Variants in RUSC2 observed in about 807,000 individuals in gnomAD.
RUSC2 encodes AP-4 complex accessory subunit RUSC2.
RUSC2 carries 34 observed loss-of-function variants against 122.2 expected under a neutral mutation model. The ratio of observed to expected loss-of-function variants is 0.28; its 90% CI spans 0.21 to 0.37. RUSC2 has a LOEUF of 0.37. Among genes scored for constraint, RUSC2 ranks in the 10% least tolerant of loss-of-function variants. RUSC2 has a pLI of 1.00. For missense variants in RUSC2, 1,747 were observed against 1,952.4 expected (o/e 0.89, Z 1.98); for synonymous variants, 784 against 790.0 (o/e 0.99, Z 0.13).
chr9:35,556,433 C>G lies in RUSC2; in HGVS notation c.2968C>G (p.Leu990Val), dbSNP rs1383771983. The change falls in exon 5 of 12, where the codon CTG (leucine) becomes GTG (valine). Residue 990 changes from leucine to valine, a missense_variant. Transcript: ENST00000361226. ...CAGCTCAGAGGCCATTTCCATTGAC[C>G]TGCTTCAGAAAAAAGGTGCATACAA... is the stretch of plus-strand genomic sequence containing the variant. ...DGSSEAISID[L>V]LQKKGLVKAV... 7 of 1,613,748 alleles carry G rather than the reference C, an allele frequency of 4.3e-6. No individual in the cohort carries two copies.
intron 1 of RUSC2, among the ~76,000 whole-genome samples, chr9:35,525,617 G>A (rs576914074): frequency 1.8e-3 from 273 of 152,126 alleles, no homozygotes; most frequent in Middle Eastern, 3.4e-3. Flanking sequence ...TGGCCTACAC[G>A]GCAAAACCCC....
intron 1 of RUSC2, among the ~76,000 whole-genome samples, chr9:35,498,124 G>A (rs1290700079): frequency 6.6e-6 from 1 of 150,926 alleles, no homozygotes; most frequent in Non-Finnish European, 1.5e-5. Flanking sequence ...ATACAAGATC[G>A]TGTAACCTTG....
Position 35,555,148 on chromosome 9 carries a change from C to T in RUSC2, c.2103C>T (p.His701=). 6.2e-7 allele frequency: 1 copy of T among 1,613,952 alleles called. No individual in the cohort carries two copies. Among genetic ancestry groups the T allele is most frequent in the Non-Finnish European group, 8.5e-7 (1 of 1,180,044 alleles). ...TLPIQPFVFQ[H]HFPKQLAKAR... ...CCATCCAGCCCTTCGTGTTCCAGCA[C>T]CACTTCCCCAAGCAGCTGGCCAAGG... Residue 701 remains histidine, a synonymous_variant, in exon 3 of 12, where the codon CAC becomes CAT. Transcript: ENST00000361226. This position sits in a 1 kb window ranked among gnomAD's most constrained non-coding sequence, Gnocchi z 4.6.
At chr9:35,526,948 C>G (rs780986993) in intron 1 of RUSC2, among the ~76,000 whole-genome samples, 4 of 152,140 alleles carry the variant, frequency 2.6e-5, no homozygotes, top group African/African-American at 9.7e-5. Context: ...CTCCTTGATT[C>G]TCTACCAAAG....
intron 1 of RUSC2, among the ~76,000 whole-genome samples, chr9:35,539,389 T>C (rs953604958): frequency 6.6e-6 from 1 of 152,076 alleles, no homozygotes; most frequent in African/African-American, 2.4e-5. Context: ...TTTTTGGGCA[T>C]TTCTAATGAA....
At chr9:35,554,533 G>T (rs1821966719) in intron 2 of RUSC2, among the ~76,000 whole-genome samples, 1 of 152,226 alleles carries the variant, frequency 6.6e-6, no homozygotes, top group Admixed American at 6.5e-5. Context: ...CACTGAAAAT[G>T]TGTGTGACTG....
At chr9:35,510,899 T>C (rs1356720186) in intron 1 of RUSC2, among the ~76,000 whole-genome samples, 1 of 152,226 alleles carries the variant, frequency 6.6e-6, no homozygotes, top group Non-Finnish European at 1.5e-5. Context: ...TGGACTATGC[T>C]ATTTGCTGTC....
intron 1 of RUSC2, among the ~76,000 whole-genome samples, chr9:35,501,283 G>A (rs987426526): frequency 3.3e-5 from 5 of 152,126 alleles, no homozygotes; most frequent in African/African-American, 1.2e-4. Context: ...TAGTTCAGAA[G>A]TCACTGATAC....
intron 1 of RUSC2, among the ~76,000 whole-genome samples, chr9:35,505,037 G>C (rs1820886834): frequency 6.6e-6 from 1 of 152,102 alleles, no homozygotes; most frequent in Non-Finnish European, 1.5e-5. Context: ...TTAAACAGTT[G>C]TTATGAAGTT....
chr9:35,504,022 G>A (rs1026446555), intron 1 of RUSC2, among the ~76,000 whole-genome samples: 23 of 152,224 alleles, frequency 1.5e-4, no homozygotes, highest in South Asian at 4.1e-4. Flanking sequence ...TGATCTGCCC[G>A]CCTCGGCCTG....
intron 1 of RUSC2, among the ~76,000 whole-genome samples, chr9:35,500,333 C>T (rs1820797927): frequency 6.6e-6 from 1 of 152,130 alleles, no homozygotes; most frequent in South Asian, 2.1e-4. Context: ...TCTTGTGAGA[C>T]TTATTTGCAA....
intron 1 of RUSC2, among the ~76,000 whole-genome samples, chr9:35,543,375 T>A (rs1821681442): frequency 6.6e-6 from 1 of 152,090 alleles, no homozygotes; most frequent in Non-Finnish European, 1.5e-5. Flanking sequence ...TGAGCCATGA[T>A]CGCACCACTG....
At chr9:35,490,570 G>A (rs922821440) in intron 1 of RUSC2, among the ~76,000 whole-genome samples, 1 of 152,158 alleles carries the variant, frequency 6.6e-6, no homozygotes, top group African/African-American at 2.4e-5. Context: ...GACGGCTTTG[G>A]GGAAGCGTGG....
At chr9:35,526,730 G>T (rs1298983176) in intron 1 of RUSC2, among the ~76,000 whole-genome samples, 1 of 152,142 alleles carries the variant, frequency 6.6e-6, no homozygotes, top group Non-Finnish European at 1.5e-5. Context: ...AGTGAGCTGG[G>T]ATGGTGCCAC....
At chr9:35,515,999 C>CAAAAAAAAAAAAAAAAAAAAAA (rs544797957) in intron 1 of RUSC2, among the ~76,000 whole-genome samples, 11 of 47,194 alleles carry the variant, frequency 2.3e-4, no homozygotes, top group Non-Finnish European at 2.9e-4. Context: ...ATTCTTGTCT[C>CAAAAAAAAAAAAAAAAAAAAAA]AAAAAAAAAA....
At chr9:35,494,119 C>G (rs1418532706) in intron 1 of RUSC2, among the ~76,000 whole-genome samples, 2 of 150,136 alleles carry the variant, frequency 1.3e-5, no homozygotes, top group Non-Finnish European at 3.0e-5. Flanking sequence ...CATAAGGGCT[C>G]CAATTTTTCC....
intron 1 of RUSC2, among the ~76,000 whole-genome samples, chr9:35,533,162 G>A (rs1821455428): frequency 1.3e-5 from 2 of 151,330 alleles, no homozygotes; most frequent in Admixed American, 1.3e-4. Context: ...CACGAGAATC[G>A]CTTGAACCCA....
At chr9:35,506,354 A>C (rs934580100) in intron 1 of RUSC2, among the ~76,000 whole-genome samples, 7 of 152,212 alleles carry the variant, frequency 4.6e-5, no homozygotes, top group African/African-American at 1.7e-4. Context: ...TGAAGAGCTA[A>C]ATTTGAAGTC....
intron 2 of RUSC2, chr9:35,549,007 G>C: frequency 1.1e-6 from 1 of 934,878 alleles, no homozygotes; most frequent in Non-Finnish European, 1.3e-6. Context: ...ACTCCAGCCT[G>C]GGCAGACAGA....
Sources: allele counts gnomAD v4.1 joint callset (sites outside exome capture counted in the v4.1 genomes callset), GRCh38; gene constraint gnomAD v4.1.1; non-coding constraint Gnocchi (gnomAD v3.1); transcripts MANE v1.5; gene names NCBI Gene and HGNC (gene_info 2026-07-23, HGNC 2026-07-21).